The following C12orf42 variants were observed in gnomAD, a reference collection of about 807,000 sequenced individuals.
The protein encoded by C12orf42 is chromosome 12 open reading frame 42.
C12orf42 carries 25 observed loss-of-function variants against 21.6 expected under a neutral mutation model. The observed-to-expected ratio is 1.16, with a 90% confidence interval of 0.84 to 1.62. The LOEUF is 1.62. Ranked by LOEUF, C12orf42 falls within the 40% of genes most tolerant of loss-of-function variation. The probability of loss-of-function intolerance (pLI) is 0.00; values close to 1 mark genes in which losing one functional copy is unlikely to be tolerated. For synonymous variants in C12orf42, 174 were observed against 175.0 expected (o/e 0.99, Z 0.05); for missense variants, 483 against 459.3 (o/e 1.05, Z -0.47).
At chr12:103,534,839 C>T in the C12orf42 span, among the ~76,000 whole-genome samples, 2 of 152,230 alleles carry the variant, frequency 1.3e-5, no homozygotes, top group Non-Finnish European at 1.5e-5. Flanking sequence ...GAAGAAAAGG[C>T]AAGTTTGTTT....
intron 5 of C12orf42, among the ~76,000 whole-genome samples, chr12:103,271,634 G>C (rs1335954965): frequency 6.6e-6 from 1 of 152,146 alleles, no homozygotes; most frequent in African/African-American, 2.4e-5. Context: ...TGTGGAAGCT[G>C]AGAAAAATAT....
At chr12:103,435,577 C>T (rs982561269) in intron 2 of C12orf42, among the ~76,000 whole-genome samples, 2 of 152,118 alleles carry the variant, frequency 1.3e-5, no homozygotes, top group Non-Finnish European at 2.9e-5. Flanking sequence ...GAGCTGAAAA[C>T]CAAGGCTCGA....
the C12orf42 span, among the ~76,000 whole-genome samples, chr12:103,536,800 T>C: frequency 1.3e-5 from 2 of 152,162 alleles, no homozygotes; most frequent in Non-Finnish European, 2.9e-5. Context: ...CTTTTAAACT[T>C]CCATCCCAAT....
chr12:103,300,918 T>TA (rs1566031863), downstream of C12orf42, among the ~76,000 whole-genome samples: 1 of 152,194 alleles, frequency 6.6e-6, no homozygotes, highest in African/African-American at 2.4e-5. Flanking sequence ...TATTTATTAT[T>TA]AAAAAATCAT....
intron 4 of C12orf42, among the ~76,000 whole-genome samples, chr12:103,329,075 G>T (rs1361074527): frequency 6.6e-6 from 1 of 151,128 alleles, no homozygotes; most frequent in Non-Finnish European, 1.5e-5. Context: ...TGCATTTAGA[G>T]CTATGGCAGG....
intron 10 of C12orf42, among the ~76,000 whole-genome samples, chr12:103,247,575 ATAT>A (rs1471740776): frequency 1.3e-5 from 2 of 152,044 alleles, no homozygotes; most frequent in Non-Finnish European, 2.9e-5. Flanking sequence ...GTGCCCAGGA[ATAT>A]TCCTAGGCCA....
chr12:103,260,680 T>C (rs2034849873), intron 10 of C12orf42, among the ~76,000 whole-genome samples: 1 of 152,222 alleles, frequency 6.6e-6, no homozygotes, highest in South Asian at 2.1e-4. Flanking sequence ...TTTCACTGAA[T>C]GTGGCCAAAA....
rs544263839 is a variant in C12orf42, at chr12:103,296,098, G to A, written n.338-18888C>T. Reference sequence around the variant, plus strand: ...CTCATTGTTCAATTCCCACCTATGAGCGAGAACAGGCGGTGTTTGGTTTTT... The same window carrying A: ...CTCATTGTTCAATTCCCACCTATGAACGAGAACAGGCGGTGTTTGGTTTTT... On this transcript the variant is annotated intron_variant and non_coding_transcript_variant, in intron 4 of 6. Coordinates refer to the C12orf42 transcript ENST00000546526. 6.1e-5 allele frequency among the ~76,000 whole-genome samples: 9 copies of A among 146,886 alleles called. No individual in the cohort carries two copies. In the South Asian group the frequency reaches 1.1e-3, roughly 17 times the overall value.
the C12orf42 span, among the ~76,000 whole-genome samples, chr12:103,513,990 G>C: frequency 6.6e-6 from 1 of 152,212 alleles, no homozygotes; most frequent in Non-Finnish European, 1.5e-5. Context: ...ACCGAGACTA[G>C]GTAATTTATA....
chr12:103,111,528 C>G, the C12orf42 span, among the ~76,000 whole-genome samples: 1 of 152,156 alleles, frequency 6.6e-6, no homozygotes, highest in South Asian at 2.1e-4. Flanking sequence ...TGAAAAGTTA[C>G]CAGAAACGTG....
chr12:103,227,143 G>A, the C12orf42 span, among the ~76,000 whole-genome samples: 14,137 of 152,062 alleles, frequency 0.093, 707 homozygotes, highest in East Asian at 0.17. Context: ...GAGGAATGGA[G>A]GTTGGAAGGC....
At chr12:103,229,267 G>A in the C12orf42 span, among the ~76,000 whole-genome samples, 1 of 152,204 alleles carries the variant, frequency 6.6e-6, no homozygotes, top group Non-Finnish European at 1.5e-5. Context: ...CAGTTAGGAT[G>A]GTTTCTGCAT....
chr12:103,062,879 A>T, the C12orf42 span, among the ~76,000 whole-genome samples: 1 of 152,082 alleles, frequency 6.6e-6, no homozygotes, highest in Non-Finnish European at 1.5e-5. Context: ...TATTTGAAGC[A>T]CACATATGTT....
chr12:103,501,193 G>A, the C12orf42 span, among the ~76,000 whole-genome samples: 1 of 152,190 alleles, frequency 6.6e-6, no homozygotes, highest in African/African-American at 2.4e-5. Flanking sequence ...GGCATGGGAG[G>A]GAGATACCAA....
At chr12:103,063,548 C>T in the C12orf42 span, among the ~76,000 whole-genome samples, 1 of 152,152 alleles carries the variant, frequency 6.6e-6, no homozygotes, top group Admixed American at 6.5e-5. Flanking sequence ...CCTCCCTGAC[C>T]CATGCTGCCA....
At chr12:103,299,886 A>G (rs2037537136), downstream of C12orf42, among the ~76,000 whole-genome samples, 1 of 152,204 alleles carries the variant, frequency 6.6e-6, no homozygotes, top group Admixed American at 6.5e-5. Context: ...CTCATCCATC[A>G]CTAAAGAGCA....
At chr12:103,434,017 C>A (rs1172856829) in intron 2 of C12orf42, among the ~76,000 whole-genome samples, 3 of 152,180 alleles carry the variant, frequency 2.0e-5, no homozygotes, top group African/African-American at 7.2e-5. Flanking sequence ...CCTGAATGCT[C>A]TACCAAACAT....
intron 4 of C12orf42, among the ~76,000 whole-genome samples, chr12:103,332,964 G>A (rs1258536423): frequency 1.3e-5 from 2 of 152,124 alleles, no homozygotes; most frequent in African/African-American, 2.4e-5. Context: ...CACATAAGTC[G>A]AAGGCTTAGC....
chr12:103,156,581 G>A, the C12orf42 span, among the ~76,000 whole-genome samples: 1 of 152,078 alleles, frequency 6.6e-6, no homozygotes, highest in Non-Finnish European at 1.5e-5. Context: ...TGTGTGCCAT[G>A]GTGGTTTGCT....
Sources: allele counts gnomAD v4.1 joint callset (sites outside exome capture counted in the v4.1 genomes callset), GRCh38; gene constraint gnomAD v4.1.1; transcripts MANE v1.5; gene names NCBI Gene and HGNC (gene_info 2026-07-23, HGNC 2026-07-21).